MCF2L: variants seen among roughly 807,000 people sequenced by gnomAD.
MCF2L encodes guanine nucleotide exchange factor DBS.
In MCF2L, 97 loss-of-function variants were observed where a neutral mutation model predicts 153.4. That is an observed-to-expected ratio of 0.63 (90% confidence interval 0.54 to 0.75). The LOEUF is 0.75. Among genes scored for constraint, MCF2L ranks in the 30% least tolerant of loss-of-function variants. The pLI, the probability that MCF2L is intolerant of heterozygous loss-of-function variation, is 0.00. For synonymous variants in MCF2L, 659 were observed against 632.2 expected (o/e 1.04, Z -0.64); for missense variants, 1,347 against 1,495.2 (o/e 0.90, Z 1.64).
At chr13:113,033,396 T>TTAGTGGACCCCGTGGC (rs1566773561) in intron 3 of MCF2L, among the ~76,000 whole-genome samples, 4 of 19,754 alleles carry the variant, frequency 2.0e-4, no homozygotes, top group Non-Finnish European at 2.8e-4. Context: ...GCCCCCGTGA[T>TTAGTGGACCCCGTGGC]GTGAGTGGAC....
intron 1 of MCF2L, chr13:113,002,069 T>G: frequency 7.2e-7 from 1 of 1,388,824 alleles, no homozygotes; most frequent in Non-Finnish European, 9.4e-7. Context: ...GTGGACGTTC[T>G]GGGCCCAGCC....
rs957846936 is a variant in MCF2L at position 112,895,782 on chromosome 13, G to C, written c.-5+1351G>C. On this transcript the variant is annotated intron_variant, in intron 1 of 29. Transcript: ENST00000375608. ...CAGCTCTTCCCCATCCTGTGGGGCCGGCTCCGCCCTCCCAGGTCCCAACTT... is the reference window on the plus strand; with the variant it reads ...CAGCTCTTCCCCATCCTGTGGGGCCCGCTCCGCCCTCCCAGGTCCCAACTT... Among the ~76,000 whole-genome samples, 5 of 152,082 alleles carry C rather than the reference G, an allele frequency of 3.3e-5. No individual in the cohort carries two copies. In the South Asian group the frequency reaches 1.0e-3, roughly 31 times the overall value.
chr13:113,003,004 TA>T (rs11329462), intron 1 of MCF2L, among the ~76,000 whole-genome samples: 66,790 of 142,916 alleles, frequency 0.47, 16,655 homozygotes, highest in Non-Finnish European at 0.58. Context: ...CCTCATCTGT[TA>T]AAAAAAAAAA....
At chr13:112,962,812 G>A (rs2081848763) in intron 2 of MCF2L, among the ~76,000 whole-genome samples, 1 of 152,188 alleles carries the variant, frequency 6.6e-6, no homozygotes, top group Non-Finnish European at 1.5e-5. Context: ...GGTACAGGCA[G>A]AAGGGGAGCC....
At chr13:112,914,032 TCCC>T (rs1028569723) in intron 2 of MCF2L, among the ~76,000 whole-genome samples, 1 of 152,154 alleles carries the variant, frequency 6.6e-6, no homozygotes, top group Non-Finnish European at 1.5e-5. Context: ...CAGCCCCTTC[TCCC>T]CCTGTGAGCC....
rs1264620578 is a variant in MCF2L, at chr13:113,035,340, G to A, written c.279-9931G>A. Reference sequence around the variant, plus strand: ...CTAATAAATGACCCTACTCAGGTAAGACGTCCTGACAGTGAGGTTTTTAAT... The same window carrying A: ...CTAATAAATGACCCTACTCAGGTAAAACGTCCTGACAGTGAGGTTTTTAAT... On this transcript the variant is annotated intron_variant, in intron 3 of 29. Coordinates refer to ENST00000535094, the MANE Select transcript of MCF2L (RefSeq NM_001112732.3). This position sits in a 1 kb window ranked among gnomAD's most constrained non-coding sequence, Gnocchi z 4.4. 1.3e-5 allele frequency among the ~76,000 whole-genome samples: 2 copies of A among 152,168 alleles called. No homozygotes were observed. The highest frequency in any genetic ancestry group is 2.9e-5 in the Non-Finnish European group (2 of 68,044).
At position 112,904,731 on chromosome 13, in the gene MCF2L, G is replaced by A. The variant is rs978585656; in HGVS notation, c.169+2360G>A. Among the ~76,000 whole-genome samples the A allele has an allele frequency of 5.3e-5, 8 of 152,220 alleles. No homozygotes were observed. Among genetic ancestry groups the A allele is most frequent in the South Asian group, 2.1e-4 (1 of 4,830 alleles). On this transcript the variant is annotated intron_variant, in intron 2 of 29. Transcript: ENST00000375608. The surrounding 1 kb of genome is among the most constrained non-coding windows in gnomAD (Gnocchi z 4.2). Reference sequence around the variant, plus strand: ...TCGTCTGCTCTGTGGAAAGAGAAGCGCACGGCGTGGACTGCGGCCTGCGGG... The same window carrying A: ...TCGTCTGCTCTGTGGAAAGAGAAGCACACGGCGTGGACTGCGGCCTGCGGG...
In MCF2L at chr13:113,064,234, C is replaced by A; in HGVS notation, c.490-70C>A. 1 of 1,153,952 alleles carries A rather than the reference C, an allele frequency of 8.7e-7. No homozygotes were observed. The highest frequency in any genetic ancestry group is 1.3e-6 in the Non-Finnish European group (1 of 766,938). The allele number at this position is 1,153,952 out of a possible 1,614,324, so 71.5% of individuals were successfully genotyped here. A position where few individuals can be genotyped will look rare whatever the true frequency, so the allele number is the denominator to read the frequency against. ...CCTCTCTGTGCTGCTGGGTGTTCTG[C>A]TGATGGGGCAGCTCTTTTGGGAGCC... On this transcript the variant is annotated intron_variant, in intron 5 of 29. Transcript: ENST00000535094. This position sits in a 1 kb window ranked among gnomAD's most constrained non-coding sequence, Gnocchi z 6.0.
intron 2 of MCF2L, among the ~76,000 whole-genome samples, chr13:112,964,044 C>G (rs2081863868): frequency 6.6e-6 from 1 of 150,740 alleles, no homozygotes; most frequent in Non-Finnish European, 1.5e-5. Flanking sequence ...GTTGGGTTAA[C>G]CAGGCTGCCT....
At chr13:112,955,924 A>G (rs1356763958) in intron 2 of MCF2L, 5 of 152,206 alleles carry the variant, frequency 3.3e-5, no homozygotes, top group Admixed American at 3.3e-4. Context: ...GATGGATGCC[A>G]TACCCAGGGG....
intron 3 of MCF2L, among the ~76,000 whole-genome samples, chr13:113,030,069 C>T (rs916342421): frequency 2.0e-5 from 3 of 152,202 alleles, no homozygotes; most frequent in South Asian, 2.1e-4. Context: ...CTATACTCAT[C>T]ATTTTTGGAA....
At position 113,077,097 on chromosome 13, in the gene MCF2L, G is replaced by A. The variant is rs2033575325; in HGVS notation, c.1546G>A (p.Val516Met). The part of the protein sequence containing the change: ...VFQKQASMEE[V>M]FHRRQASLKK... ...CCAGAAGCAGGCAAGCATGGAGGAG[G>A]TGTTCCACCGCAGGCAGGCCAGCCT... is the stretch of plus-strand genomic sequence containing the variant. The change falls in exon 13 of 30, where the codon GTG becomes ATG. Residue 516 changes from valine to methionine, a missense_variant. Val to Met is a conservative substitution (Grantham distance 21). Transcript: ENST00000535094. The A allele has an allele frequency of 1.2e-6, 2 of 1,612,924 alleles. No homozygotes were observed. The highest frequency in any genetic ancestry group is 1.7e-6 in the Non-Finnish European group (2 of 1,179,832).
intron 2 of MCF2L, chr13:112,909,102 G>A: frequency 1.4e-6 from 1 of 712,244 alleles, no homozygotes; most frequent in Non-Finnish European, 2.6e-6. Context: ...GGTTTGAACT[G>A]TTCCCACTGC....
chr13:112,969,198 C>T (rs185045053), upstream of MCF2L: 111,550 of 1,020,976 alleles, frequency 0.11, 7,180 homozygotes, highest in Non-Finnish European at 0.11. This position sits in a 1 kb window ranked among gnomAD's most constrained non-coding sequence, Gnocchi z 4.8. Flanking sequence ...GCAGCGCGCG[C>T]CCCCCTCCCG....
intron 4 of MCF2L, among the ~76,000 whole-genome samples, chr13:113,059,264 C>T (rs1013734597): frequency 2.6e-5 from 4 of 152,176 alleles, no homozygotes; most frequent in Non-Finnish European, 5.9e-5. Context: ...CCACGCCCCA[C>T]GCGTCCCCTG....
At chr13:112,935,682 A>C (rs753699295) in intron 2 of MCF2L, among the ~76,000 whole-genome samples, 9 of 152,206 alleles carry the variant, frequency 5.9e-5, no homozygotes, top group Non-Finnish European at 1.2e-4. Flanking sequence ...GAGTGTATTC[A>C]GTGCATTTTC....
intron 2 of MCF2L, among the ~76,000 whole-genome samples, chr13:112,963,717 A>C (rs1271261773): frequency 6.6e-6 from 1 of 152,192 alleles, no homozygotes; most frequent in Admixed American, 6.5e-5. Flanking sequence ...CTGCAGATGC[A>C]TGAGCTCAGA....
intron 12 of MCF2L, among the ~76,000 whole-genome samples, 175 bp from the exon 13 acceptor site, chr13:113,076,877 C>T (rs1260495211): frequency 1.3e-5 from 2 of 152,264 alleles, no homozygotes; most frequent in Non-Finnish European, 2.9e-5. Context: ...GGCTGCATCC[C>T]CCTCTCCGTC....
intron 4 of MCF2L, among the ~76,000 whole-genome samples, chr13:113,052,320 C>T (rs781193001): frequency 2.6e-5 from 4 of 152,202 alleles, no homozygotes; most frequent in Non-Finnish European, 5.9e-5. Flanking sequence ...TCCCTGGGAC[C>T]AGGTGCCTCA....
Sources: allele counts gnomAD v4.1 joint callset (sites outside exome capture counted in the v4.1 genomes callset), GRCh38; gene constraint gnomAD v4.1.1; non-coding constraint Gnocchi (gnomAD v3.1); transcripts MANE v1.5; gene names NCBI Gene and HGNC (gene_info 2026-07-23, HGNC 2026-07-21).